The following IQCM variants were observed in gnomAD, a reference collection of about 807,000 sequenced individuals.
IQCM encodes the protein IQ motif containing M.
In IQCM, 45 loss-of-function variants were observed where a neutral mutation model predicts 57.6. The observed-to-expected ratio is 0.78, with a 90% CI of 0.62 to 1.00. The LOEUF is 1.00. Ranked by LOEUF, IQCM falls within the 50% of genes least tolerant of loss-of-function variation. The probability of loss-of-function intolerance (pLI) is 0.00; values close to 1 mark genes in which losing one functional copy is unlikely to be tolerated. For synonymous variants in IQCM, 148 were observed against 158.9 expected (o/e 0.93, Z 0.51); for missense variants, 468 against 511.6 (o/e 0.91, Z 0.82).
At chr4:149,404,768 C>A (rs1243111088) in intron 13 of IQCM, among the ~76,000 whole-genome samples, 1 of 151,854 alleles carries the variant, frequency 6.6e-6, no homozygotes, top group East Asian at 1.9e-4. Flanking sequence ...AAGAATTGTA[C>A]AGAAAATATG....
intron 12 of IQCM, among the ~76,000 whole-genome samples, chr4:149,497,251 T>C (rs1001307496): frequency 3.9e-5 from 6 of 151,930 alleles, no homozygotes; most frequent in Non-Finnish European, 5.9e-5. Flanking sequence ...CCTAAGAAGG[T>C]CTCTCAGGAC....
chr4:149,492,449 AAACTAAG>A (rs1475983062), intron 12 of IQCM, among the ~76,000 whole-genome samples: 2 of 152,100 alleles, frequency 1.3e-5, no homozygotes, highest in Non-Finnish European at 2.9e-5. Context: ...AAGCATCTAC[AAACTAAG>A]CCCTACTTGG....
At chr4:149,567,119 T>A (rs1312253119) in intron 9 of IQCM, among the ~76,000 whole-genome samples, 1 of 152,166 alleles carries the variant, frequency 6.6e-6, no homozygotes, top group Non-Finnish European at 1.5e-5. Flanking sequence ...ATCAAAAAGT[T>A]CCTTTTATCA....
intron 12 of IQCM, among the ~76,000 whole-genome samples, chr4:149,509,933 T>C (rs1040903181): frequency 6.6e-6 from 1 of 152,126 alleles, no homozygotes. Context: ...TTTTTGTTGC[T>C]CAAAAAATCC....
chr4:149,626,514 G>T (rs1326531095), intron 7 of IQCM, among the ~76,000 whole-genome samples: 1 of 151,156 alleles, frequency 6.6e-6, no homozygotes, highest in African/African-American at 2.4e-5. Flanking sequence ...GAAAATGTAT[G>T]GGAACTTCAT....
intron 8 of IQCM, among the ~76,000 whole-genome samples, chr4:149,601,690 A>G (rs899439563): frequency 1.1e-4 from 16 of 152,306 alleles, no homozygotes; most frequent in Middle Eastern, 6.8e-3. Flanking sequence ...TTATGAAAGT[A>G]TATGTTTTAG....
chr4:149,547,823 A>C (rs2149894395), intron 12 of IQCM, among the ~76,000 whole-genome samples: 1 of 152,286 alleles, frequency 6.6e-6, no homozygotes, highest in African/African-American at 2.4e-5. Flanking sequence ...GCTGGGGAAA[A>C]AAGAAAGAAA....
At chr4:149,423,417 T>G (rs142998600) in intron 13 of IQCM, among the ~76,000 whole-genome samples, 2,217 of 152,018 alleles carry the variant, frequency 0.015, 24 homozygotes, top group Non-Finnish European at 0.023. Context: ...CCCACGACAC[T>G]TGGGGGTTAC....
At chr4:149,377,291 A>C (rs970433542) in intron 13 of IQCM, among the ~76,000 whole-genome samples, 3 of 152,198 alleles carry the variant, frequency 2.0e-5, no homozygotes, top group African/African-American at 7.2e-5. Flanking sequence ...TCAATTCAAG[A>C]CATAAAGCAA....
At chr4:149,792,336 C>A (rs931772123) in intron 2 of IQCM, among the ~76,000 whole-genome samples, 1 of 151,966 alleles carries the variant, frequency 6.6e-6, no homozygotes, top group Non-Finnish European at 1.5e-5. Context: ...CAGTGTAATT[C>A]TGCAAGATTA....
chr4:149,538,218 T>C lies in IQCM; in HGVS notation c.1228+10237A>G, dbSNP rs117005075. On this transcript the variant is annotated intron_variant, in intron 12 of 13. Transcript: ENST00000636793. ...CTAGGCTTATAAATTTCATATGTTA[T>C]ACATATGACAGTAACAACACAAAGG... Among the ~76,000 whole-genome samples, 195 of 151,866 alleles carry C rather than the reference T, an allele frequency of 1.3e-3. 8 individuals are homozygous for C. In the East Asian group the frequency reaches 0.036, roughly 28 times the overall value.
chr4:149,530,366 G>A (rs1012880576), intron 12 of IQCM, among the ~76,000 whole-genome samples: 3 of 152,112 alleles, frequency 2.0e-5, no homozygotes, highest in African/African-American at 7.2e-5. Flanking sequence ...GAACCTTGAA[G>A]AACATACAAC....
chr4:149,748,560 T>C (rs1768143025), intron 2 of IQCM: 1 of 152,196 alleles, frequency 6.6e-6, no homozygotes, highest in African/African-American at 2.4e-5. Context: ...AAACCAACTA[T>C]TCTGAGCCAT....
intron 2 of IQCM, among the ~76,000 whole-genome samples, chr4:149,797,201 T>A (rs936684985): frequency 3.0e-4 from 45 of 152,202 alleles, no homozygotes; most frequent in African/African-American, 1.1e-3. Flanking sequence ...TTCTATCAGA[T>A]AAATTTAACA....
At chr4:149,594,163 A>G (rs1009339509) in intron 8 of IQCM, among the ~76,000 whole-genome samples, 8 of 152,102 alleles carry the variant, frequency 5.3e-5, no homozygotes, top group African/African-American at 1.7e-4. Context: ...CAGGGATTCA[A>G]CTTCTTCCTG....
At chr4:149,665,513 G>A (rs578163643) in intron 7 of IQCM, among the ~76,000 whole-genome samples, 2 of 152,188 alleles carry the variant, frequency 1.3e-5, no homozygotes, top group East Asian at 1.9e-4. Context: ...TGCTCCTCTG[G>A]TGCTATCCAG....
At chr4:149,542,557 A>G (rs998480357) in intron 12 of IQCM, among the ~76,000 whole-genome samples, 1 of 152,074 alleles carries the variant, frequency 6.6e-6, no homozygotes, top group African/African-American at 2.4e-5. Flanking sequence ...CCCATCCATA[A>G]AATATGTATA....
intron 13 of IQCM, among the ~76,000 whole-genome samples, chr4:149,401,537 T>C (rs983483909): frequency 6.6e-6 from 1 of 151,802 alleles, no homozygotes; most frequent in Non-Finnish European, 1.5e-5. Context: ...TTAATCAATA[T>C]TTATGTGATA....
At position 149,562,633 on chromosome 4, in the gene IQCM, T is replaced by G. The variant is rs928442065; in HGVS notation, c.948+1059A>C. On this transcript the variant is annotated intron_variant, in intron 10 of 13. Transcript: ENST00000636793. ...ACTTTGGGCAAATAATTTGCTTCAT[T>G]TTTTTCAGCAATGAAATAGATATAG... Among the ~76,000 whole-genome samples the G allele has an allele frequency of 1.3e-5, 2 of 152,206 alleles. 1 individual carries two copies. The highest frequency in any genetic ancestry group is 4.1e-4 in the South Asian group (2 of 4,834).
Sources: gnomAD v4.1 joint callset for allele counts (sites outside exome capture counted in the v4.1 genomes callset) on GRCh38, gnomAD v4.1.1 for gene constraint, MANE v1.5 for transcripts, NCBI Gene and HGNC (gene_info 2026-07-23, HGNC 2026-07-21) for gene names.